ATP2C2: variants seen among roughly 807,000 people sequenced by gnomAD.
The protein encoded by ATP2C2 is ATPase secretory pathway Ca2+ transporting 2.
In ATP2C2, 171 loss-of-function variants were observed where a neutral mutation model predicts 110.8. The observed-to-expected ratio is 1.54, with a 90% CI of 1.36 to 1.75. The LOEUF is 1.75. Ranked by LOEUF, ATP2C2 falls within the 40% of genes most tolerant of loss-of-function variation. The probability of loss-of-function intolerance (pLI) is 0.00; values close to 1 mark genes in which losing one functional copy is unlikely to be tolerated. For missense variants in ATP2C2, 1,963 were observed against 1,235.0 expected (o/e 1.59, Z -8.84); for synonymous variants, 804 against 508.4 (o/e 1.58, Z -7.82).
chr16:84,394,131 C>T (rs1390571787), intron 1 of ATP2C2, among the ~76,000 whole-genome samples: 2 of 151,988 alleles, frequency 1.3e-5, no homozygotes, highest in African/African-American at 4.8e-5. Context: ...TTGCAGTGCA[C>T]CAAGATCACA....
In ATP2C2 at chr16:84,460,739, C is replaced by G; in HGVS notation, c.2419C>G (p.Leu807Val). ...CACCATCCTCAGCAGAGCCCTCATCCTGAAGATCCTCATGTCCGCGGCCAT... is the reference window on the plus strand; with the variant it reads ...CACCATCCTCAGCAGAGCCCTCATCGTGAAGATCCTCATGTCCGCGGCCAT... ...RDTILSRALI[L>V]KILMSAAIII... Residue 807 changes from leucine to valine, a missense_variant, in exon 24 of 27, where the codon CTG becomes GTG. Physicochemically the swap from Leu to Val is conservative, Grantham distance 32. Coordinates refer to ENST00000262429, the MANE Select transcript of ATP2C2 (RefSeq NM_014861.4). The G allele has an allele frequency of 6.2e-7, 1 of 1,614,160 alleles. No individual in the cohort carries two copies. Among genetic ancestry groups the G allele is most frequent in the Non-Finnish European group, 8.5e-7 (1 of 1,180,006 alleles).
chr16:84,369,124 C>T (rs1329049043), intron 1 of ATP2C2, among the ~76,000 whole-genome samples: 1 of 152,190 alleles, frequency 6.6e-6, no homozygotes, highest in African/African-American at 2.4e-5. Flanking sequence ...ATGCAAAAAA[C>T]AAAAGATTGC....
rs115728206 is a variant in ATP2C2, at chr16:84,417,011, C to T, written c.624+1420C>T. On this transcript the variant is annotated intron_variant, in intron 7 of 26. Coordinates refer to ENST00000262429, the MANE Select transcript of ATP2C2 (RefSeq NM_014861.4). ...GGCTGGTGCAGAGGCAGAGAGAGGC[C>T]GTATGAGAGGTGGCCAATGACCTGG... is the stretch of plus-strand genomic sequence containing the variant. Among the ~76,000 whole-genome samples the T allele has an allele frequency of 1.9e-3, 287 of 152,230 alleles. 2 individuals are homozygous for T. The highest frequency in any genetic ancestry group is 6.6e-3 in the African/African-American group (276 of 41,556).
At chr16:84,420,257 A>C (rs1907208714) in intron 7 of ATP2C2, among the ~76,000 whole-genome samples, 1 of 152,070 alleles carries the variant, frequency 6.6e-6, no homozygotes, top group Non-Finnish European at 1.5e-5. Flanking sequence ...TTCCTGAGGC[A>C]GAAATTGTAC....
chr16:84,404,958 C>G (rs1359703350), intron 2 of ATP2C2, 170 bp from the exon 3 acceptor site: 2 of 714,568 alleles, frequency 2.8e-6, no homozygotes, highest in Non-Finnish European at 5.1e-6. Flanking sequence ...TTCCTCCTCT[C>G]TCTGCCCCAT....
chr16:84,438,643 C>G (rs1238080382), intron 11 of ATP2C2, among the ~76,000 whole-genome samples: 1 of 152,112 alleles, frequency 6.6e-6, no homozygotes, highest in Non-Finnish European at 1.5e-5. Flanking sequence ...GAAACAGATC[C>G]ACGCAGCAGG....
intron 1 of ATP2C2, among the ~76,000 whole-genome samples, chr16:84,391,880 G>T (rs960317010): frequency 2.6e-5 from 4 of 151,138 alleles, no homozygotes; most frequent in South Asian, 4.2e-4. Context: ...TGTGACTCCC[G>T]TTCCCTCCCC....
Position 84,377,769 on chromosome 16 carries a change from T to G in ATP2C2, c.99+9055T>G, listed in dbSNP as rs191743854. 2.2e-3 allele frequency among the ~76,000 whole-genome samples: 330 copies of G among 152,236 alleles called. 1 individual carries two copies. Among genetic ancestry groups the G allele is most frequent in the Non-Finnish European group, 3.6e-3 (244 of 68,014 alleles). ...GACAACTCAGTCCAACACCATGTTC[T>G]GTGTAGAAATTGACTTGAAAGGTAT... On this transcript the variant is annotated intron_variant, in intron 1 of 26. Coordinates refer to ENST00000262429, the MANE Select transcript of ATP2C2 (RefSeq NM_014861.4).
intron 17 of ATP2C2, 145 bp from the exon 18 acceptor site, chr16:84,451,776 T>G (rs1785563493): frequency 1.3e-6 from 1 of 796,658 alleles, no homozygotes; most frequent in Non-Finnish European, 2.0e-6. Flanking sequence ...AGGCAGAGGC[T>G]GCAGTGAGCC....
Position 84,440,954 on chromosome 16 carries a change from T to C in ATP2C2, c.1307T>C (p.Val436Ala). ...EFSNVSVGKLVEAGCVANNAV... is the reference protein window; with the variant it reads ...EFSNVSVGKLAEAGCVANNAV... ...TCCAATGTCTCAGTGGGAAAGTTAGTGGAGGTAGGTGTCAAAAGCGCCATG... is the reference window on the plus strand; with the variant it reads ...TCCAATGTCTCAGTGGGAAAGTTAGCGGAGGTAGGTGTCAAAAGCGCCATG... The change falls in exon 14 of 27, where the codon GTG becomes GCG. Residue 436 changes from valine (V) to alanine (A), a missense_variant. Val to Ala is a moderately conservative substitution (Grantham distance 64, BLOSUM62 0). Coordinates refer to ENST00000262429, the MANE Select transcript of ATP2C2 (RefSeq NM_014861.4). The C allele has an allele frequency of 6.2e-7, 1 of 1,609,440 alleles. No homozygotes were observed. Among genetic ancestry groups the C allele is most frequent in the South Asian group, 1.1e-5 (1 of 89,986 alleles).
At chr16:84,403,298 A>C (rs779223589) in intron 2 of ATP2C2, among the ~76,000 whole-genome samples, 11 of 152,136 alleles carry the variant, frequency 7.2e-5, no homozygotes, top group Non-Finnish European at 1.3e-4. Context: ...CATAAAATTT[A>C]CCATCTTAAC....
At chr16:84,440,172 G>A (rs564421064) in intron 13 of ATP2C2, among the ~76,000 whole-genome samples, 69 of 152,124 alleles carry the variant, frequency 4.5e-4, no homozygotes, top group Non-Finnish European at 8.8e-4. Flanking sequence ...TTGCTGTGTC[G>A]CCCAGGTTGC....
chr16:84,461,499 C>T (rs1406896523), intron 24 of ATP2C2: 2 of 615,366 alleles, frequency 3.3e-6, no homozygotes, highest in East Asian at 5.4e-5. Flanking sequence ...GCCCTGCCCC[C>T]ATCCTCATGG....
intron 10 of ATP2C2, 145 bp from the exon 11 acceptor site, chr16:84,425,590 A>G (rs1046198592): frequency 7.9e-6 from 7 of 885,368 alleles, no homozygotes; most frequent in Non-Finnish European, 1.3e-5. Flanking sequence ...AAAAGAGAAG[A>G]GACGGGTTGA....
chr16:84,438,156 T>C (rs1908913089), intron 11 of ATP2C2, among the ~76,000 whole-genome samples: 1 of 152,248 alleles, frequency 6.6e-6, no homozygotes, highest in South Asian at 2.1e-4. Flanking sequence ...TCATAGTTTC[T>C]TCATGTTTGT....
At chr16:84,413,023 C>T (rs1034099909) in intron 6 of ATP2C2, among the ~76,000 whole-genome samples, 5 of 151,212 alleles carry the variant, frequency 3.3e-5, no homozygotes, top group South Asian at 2.1e-4. Context: ...TGCCTGAACC[C>T]AGAGATGGAG....
At position 84,453,345 on chromosome 16, in the gene ATP2C2, C is replaced by G. The variant is rs749375829; in HGVS notation, c.1954C>G (p.Pro652Ala). The change falls in exon 20 of 27, where the codon CCA becomes GCA. Residue 652 changes from proline (P) to alanine (A), a missense_variant. Pro to Ala is a conservative substitution (Grantham distance 27). Transcript: ENST00000262429. ...GKVSVFFRTSPKHKLKIIKAL... is the reference protein window; with the variant it reads ...GKVSVFFRTSAKHKLKIIKAL... Reference sequence around the variant, plus strand: ...GGTGTCCGTGTTCTTCAGGACCAGCCCAAAGCACAAGCTCAAAATCATCAA... The same window carrying G: ...GGTGTCCGTGTTCTTCAGGACCAGCGCAAAGCACAAGCTCAAAATCATCAA... The G allele has an allele frequency of 6.2e-7, 1 of 1,614,118 alleles. No individual in the cohort carries two copies. Among genetic ancestry groups the G allele is most frequent in the South Asian group, 1.1e-5 (1 of 91,078 alleles).
chr16:84,459,358 A>G lies in ATP2C2; in HGVS notation c.2305A>G (p.Ile769Val), dbSNP rs1050115736. 9.9e-6 allele frequency: 16 copies of G among 1,614,004 alleles called. No individual in the cohort carries two copies. Among genetic ancestry groups the G allele is most frequent in the Non-Finnish European group, 1.4e-5 (16 of 1,180,004 alleles). The change falls in exon 23 of 27, where the codon ATC becomes GTC. Residue 769 changes from isoleucine (I) to valine (V), a missense_variant. Coordinates refer to ENST00000262429, the MANE Select transcript of ATP2C2 (RefSeq NM_014861.4). ...LNAMQILWIN[I>V]IMDGPPAQSL... Reference sequence around the variant, plus strand: ...CGCCATGCAGATCCTATGGATCAACATCATCATGGATGGGCCACCGGCGCA... The same window carrying G: ...CGCCATGCAGATCCTATGGATCAACGTCATCATGGATGGGCCACCGGCGCA...
At chr16:84,445,952 G>A (rs964757894) in intron 15 of ATP2C2, among the ~76,000 whole-genome samples, 43 of 152,288 alleles carry the variant, frequency 2.8e-4, no homozygotes, top group African/African-American at 9.6e-4. Flanking sequence ...GGCTGTGGAC[G>A]GGGGGCTGGC....
Sources: gnomAD v4.1 joint callset for allele counts (sites outside exome capture counted in the v4.1 genomes callset) on GRCh38, gnomAD v4.1.1 for gene constraint, MANE v1.5 for transcripts, NCBI Gene and HGNC (gene_info 2026-07-23, HGNC 2026-07-21) for gene names.